Variants in GDPD4 observed in about 807,000 individuals in gnomAD.
The protein encoded by GDPD4 is glycerophosphodiester phosphodiesterase domain containing 4, also known as glycerophosphodiester phosphodiesterase 6.
Under a neutral mutation model 67.8 loss-of-function variants are expected in GDPD4, and 60 were observed. That is an observed-to-expected ratio of 0.88 (90% CI 0.72 to 1.10). GDPD4 has a LOEUF of 1.10. Ranked by LOEUF, GDPD4 falls within the 50% of genes least tolerant of loss-of-function variation. The probability of loss-of-function intolerance (pLI) is 0.00; values close to 1 mark genes in which losing one functional copy is unlikely to be tolerated. For missense variants in GDPD4, 623 were observed against 613.9 expected (o/e 1.01, Z -0.16); for synonymous variants, 212 against 210.9 (o/e 1.00, Z -0.04).
chr11:77,226,765 T>C (rs1463360113), intron 16 of GDPD4, among the ~76,000 whole-genome samples: 1 of 152,210 alleles, frequency 6.6e-6, no homozygotes, highest in Non-Finnish European at 1.5e-5. Flanking sequence ...CAAGTAACCA[T>C]GTAACTTGAG....
chr11:77,240,504 T>G (rs1356248805), intron 13 of GDPD4, among the ~76,000 whole-genome samples: 1 of 152,126 alleles, frequency 6.6e-6, no homozygotes, highest in African/African-American at 2.4e-5. Flanking sequence ...GATTAAAGAC[T>G]TAAATGTAAG....
At chr11:77,235,030 T>TTTTTTTTTTTTTTTTTTTTTTTTTTTTTC in intron 13 of GDPD4, among the ~76,000 whole-genome samples, 1 of 142,574 alleles carries the variant, frequency 7.0e-6, no homozygotes, top group Non-Finnish European at 1.5e-5. Flanking sequence ...TTTTTTTTTT[T>TTTTTTTTTTTTTTTTTTTTTTTTTTTTTC]TTTTTTTGAC....
chr11:77,221,548 G>C (rs1322133079), intron 16 of GDPD4, among the ~76,000 whole-genome samples: 2 of 152,202 alleles, frequency 1.3e-5, no homozygotes, highest in Non-Finnish European at 2.9e-5. Flanking sequence ...GGTTTTGAGT[G>C]AGTTTCTTAA....
intron 15 of GDPD4, among the ~76,000 whole-genome samples, 180 bp downstream of exon 15, chr11:77,228,970 A>C (rs1466639628): frequency 6.6e-6 from 1 of 152,146 alleles, no homozygotes; most frequent in Non-Finnish European, 1.5e-5. Flanking sequence ...ATATTGTCTT[A>C]TTTGGGGGAG....
chr11:77,269,962 T>C lies in GDPD4; in HGVS notation c.401-2A>G, dbSNP rs749649240. ...TCATCCTGTATCTTCTCATTCTAAC[T>C]AAAATTTAGAAAGTGAAAAAGAAAA... On this transcript the variant is annotated splice_acceptor_variant, in intron 7 of 16. Coordinates refer to ENST00000315938, the MANE Select transcript of GDPD4 (RefSeq NM_182833.3). LOFTEE classifies it high-confidence loss of function. The C allele has an allele frequency of 4.7e-6, 7 of 1,477,196 alleles. No homozygotes were observed. Among genetic ancestry groups the C allele is most frequent in the South Asian group, 2.3e-5 (2 of 85,668 alleles). 91.5% of individuals were successfully genotyped at this position (1,477,196 alleles called of 1,614,324 possible).
At position 77,255,028 on chromosome 11, in the gene GDPD4, CTAAAGA is replaced by C. The variant is rs547800406; in HGVS notation, c.864+3352_864+3357del. Among the ~76,000 whole-genome samples, 658 of 152,282 alleles carry C rather than the reference CTAAAGA, an allele frequency of 4.3e-3. 8 individuals carry two copies. The highest frequency in any genetic ancestry group is 0.015 in the African/African-American group (610 of 41,550). On this transcript the variant is annotated intron_variant, in intron 11 of 16. Coordinates refer to ENST00000315938, the MANE Select transcript of GDPD4 (RefSeq NM_182833.3). The stretch of plus-strand genomic sequence containing the variant: ...AGCAAAGAAAGCTCCACGATCAAAC[CTAAAGA>C]TAAAGTCTCCAGACAACCATATTTG...
intron 13 of GDPD4, among the ~76,000 whole-genome samples, chr11:77,238,813 A>G (rs1958611184): frequency 6.6e-6 from 1 of 152,206 alleles, no homozygotes; most frequent in African/African-American, 2.4e-5. Flanking sequence ...AAAAAAAATA[A>G]AGTGGAGGGA....
chr11:77,247,139 A>AATTGCTAGGCCAGAAGGCAGATC (rs1348386195), intron 11 of GDPD4, among the ~76,000 whole-genome samples: 2 of 152,170 alleles, frequency 1.3e-5, no homozygotes, highest in African/African-American at 4.8e-5. Context: ...ATCTCCGGAA[A>AATTGCTAGGCCAGAAGGCAGATC]ATTGCTAGGC....
chr11:77,300,950 T>C (rs1395189168), intron 1 of GDPD4, among the ~76,000 whole-genome samples: 1 of 152,172 alleles, frequency 6.6e-6, no homozygotes, highest in Non-Finnish European at 1.5e-5. Flanking sequence ...AAAAGCTCTA[T>C]GGGAGGATGG....
chr11:77,243,954 CAG>C (rs1193591954), intron 12 of GDPD4, 106 bp from the exon 13 acceptor site: 2 of 717,432 alleles, frequency 2.8e-6, no homozygotes, highest in East Asian at 2.5e-5. Context: ...TAGTATTCTA[CAG>C]AGAGTAGAGA....
At chr11:77,290,425 C>T (rs924592485) in intron 1 of GDPD4, among the ~76,000 whole-genome samples, 1 of 151,884 alleles carries the variant, frequency 6.6e-6, no homozygotes, top group African/African-American at 2.4e-5. Flanking sequence ...TCTTTTCTGA[C>T]CACAATGGAA....
At position 77,217,238 on chromosome 11, in the gene GDPD4, C is replaced by G. The variant is rs200939714; in HGVS notation, c.*39G>C. 6.6e-7 allele frequency: 1 copy of G among 1,517,736 alleles called. No individual in the cohort carries two copies. Among genetic ancestry groups the G allele is most frequent in the Admixed American group, 1.7e-5 (1 of 59,874 alleles). The allele number at this position is 1,517,736 out of a possible 1,614,324, so 94.0% of individuals were successfully genotyped here. A position where few individuals can be genotyped will look rare whatever the true frequency, so the allele number is the denominator to read the frequency against. ...TAGAGTCCAAGGACCTTCCACAACT[C>G]GGACAGGAGGTTTCATGGCTATGTG... is the stretch of plus-strand genomic sequence containing the variant. On this transcript the variant is annotated 3_prime_UTR_variant, in exon 17 of 17. Transcript: ENST00000315938.
At chr11:77,276,288 C>T (rs1959465001) in intron 4 of GDPD4, 68 bp from the exon 5 acceptor site, 13 of 1,184,784 alleles carry the variant, frequency 1.1e-5, no homozygotes, top group Non-Finnish European at 1.5e-5. Flanking sequence ...AGCACTGTTC[C>T]TATAGCTCCA....
chr11:77,243,973 GTCT>G, intron 12 of GDPD4, 125 bp from the exon 13 acceptor site: 1 of 644,966 alleles, frequency 1.6e-6, no homozygotes, highest in Non-Finnish European at 2.7e-6. Context: ...GAGAGAGAGA[GTCT>G]AGTCCTTGGT....
chr11:77,284,501 G>C (rs1210002492), intron 3 of GDPD4, among the ~76,000 whole-genome samples: 1 of 152,028 alleles, frequency 6.6e-6, no homozygotes, highest in Non-Finnish European at 1.5e-5. Flanking sequence ...CCCCATATCC[G>C]AACAGATCCT....
intron 3 of GDPD4, 85 bp from the exon 4 acceptor site, chr11:77,279,484 T>C: frequency 2.8e-6 from 2 of 724,078 alleles, no homozygotes; most frequent in Non-Finnish European, 4.9e-6. Context: ...CCAGACTAGA[T>C]AAGGCATAAG....
intron 1 of GDPD4, among the ~76,000 whole-genome samples, chr11:77,294,177 G>T (rs2135896496): frequency 6.6e-6 from 1 of 152,274 alleles, no homozygotes; most frequent in Admixed American, 6.5e-5. Context: ...AATGATATCT[G>T]AAGTTTAGTT....
At chr11:77,236,397 T>C (rs1431685094) in intron 13 of GDPD4, among the ~76,000 whole-genome samples, 7 of 152,046 alleles carry the variant, frequency 4.6e-5, no homozygotes, top group African/African-American at 7.3e-5. Context: ...AGTGTTCTCA[T>C]TGGTGAACTA....
intron 1 of GDPD4, among the ~76,000 whole-genome samples, chr11:77,293,700 A>G (rs1937857107): frequency 6.6e-6 from 1 of 152,212 alleles, no homozygotes; most frequent in Non-Finnish European, 1.5e-5. Context: ...TCCATTCCTG[A>G]CAAAAACCCT....
Sources: gnomAD v4.1 joint callset for allele counts (sites outside exome capture counted in the v4.1 genomes callset) on GRCh38, gnomAD v4.1.1 for gene constraint, MANE v1.5 for transcripts, NCBI Gene and HGNC (gene_info 2026-07-23, HGNC 2026-07-21) for gene names.